The following DNAAF9 variants were observed in gnomAD, a reference collection of about 807,000 sequenced individuals.
DNAAF9 encodes dynein axonemal assembly factor 9, also known as shulin.
A neutral mutation model predicts 167.0 loss-of-function variants in DNAAF9; 90 were observed. The ratio of observed to expected loss-of-function variants is 0.54; its 90% CI spans 0.45 to 0.64. The LOEUF (loss-of-function observed/expected upper bound fraction) is 0.64, where lower values mean the gene tolerates loss of function less well. DNAAF9 is among the 30% of genes least tolerant of loss of function. The pLI, the probability that DNAAF9 is intolerant of heterozygous loss-of-function variation, is 0.00. For missense variants in DNAAF9, 1,315 were observed against 1,442.2 expected (o/e 0.91, Z 1.43); for synonymous variants, 491 against 508.8 (o/e 0.96, Z 0.47).
At chr20:3,380,661 A>T (rs2123241375) in intron 3 of DNAAF9, among the ~76,000 whole-genome samples, 1 of 152,236 alleles carries the variant, frequency 6.6e-6, no homozygotes, top group Admixed American at 6.5e-5. Flanking sequence ...TTCACATCAG[A>T]TGTTTGTTTT....
intron 34 of DNAAF9, among the ~76,000 whole-genome samples, chr20:3,255,756 C>T (rs968198799): frequency 4.6e-5 from 7 of 152,228 alleles, no homozygotes; most frequent in Non-Finnish European, 1.0e-4. Flanking sequence ...GGCTGTGCTA[C>T]AAGGCTTAGC....
intron 20 of DNAAF9, among the ~76,000 whole-genome samples, 171 bp from the exon 21 acceptor site, chr20:3,304,714 A>G (rs2069258443): frequency 6.6e-6 from 1 of 152,224 alleles, no homozygotes; most frequent in Non-Finnish European, 1.5e-5. Context: ...AACCTCCCAA[A>G]GCCTCAGAGG....
At chr20:3,380,012 C>G (rs1162037743) in intron 3 of DNAAF9, among the ~76,000 whole-genome samples, 2 of 152,160 alleles carry the variant, frequency 1.3e-5, no homozygotes. Flanking sequence ...GCCAAGATCG[C>G]ACAACTGCAC....
intron 7 of DNAAF9, among the ~76,000 whole-genome samples, chr20:3,350,156 G>T (rs6051774): frequency 1.1e-5 from 1 of 89,902 alleles, no homozygotes; most frequent in African/African-American, 4.5e-5. Flanking sequence ...CAGACACACA[G>T]ACACACACAC....
intron 7 of DNAAF9, among the ~76,000 whole-genome samples, 179 bp from the exon 8 acceptor site, chr20:3,348,802 T>A (rs891702355): frequency 6.6e-6 from 1 of 152,146 alleles, no homozygotes; most frequent in Non-Finnish European, 1.5e-5. Context: ...AAAAACATTA[T>A]ACCAAATGAA....
Position 3,330,676 on chromosome 20 carries a change from T to A in DNAAF9, c.1070A>T (p.Asp357Val), listed in dbSNP as rs772814774. The change falls in exon 12 of 37, where the codon GAC (aspartate) becomes GTC (valine). Residue 357 changes from aspartate (D) to valine (V), a missense_variant. Asp to Val is a radical substitution (Grantham distance 152). Around this residue, in one of 2 missense-constraint regions of DNAAF9, gnomAD observed 981 missense variants for 1,012.5 expected, o/e 0.97. Coordinates refer to ENST00000252032, the MANE Select transcript of DNAAF9 (RefSeq NM_001009984.3). ...TTCAGTTTTCTTGGGCAGCTTGCTG[T>A]CACCACCTGTGAAAGAGGCCCACTA... The part of the protein sequence containing the change: ...GATHVPYLGG[D>V]SKLPKKTEQI... The A allele has an allele frequency of 6.3e-7, 1 of 1,595,310 alleles. No homozygotes were observed. Among genetic ancestry groups the A allele is most frequent in the South Asian group, 1.1e-5 (1 of 90,042 alleles).
chr20:3,368,873 G>C (rs887269218), intron 6 of DNAAF9, among the ~76,000 whole-genome samples: 1 of 24,350 alleles, frequency 4.1e-5, no homozygotes, highest in African/African-American at 1.8e-4. Context: ...GGTGGCTCAC[G>C]CCTGTAATCC....
At chr20:3,385,424 AT>A (rs535506649) in intron 1 of DNAAF9, among the ~76,000 whole-genome samples, 6 of 149,572 alleles carry the variant, frequency 4.0e-5, no homozygotes, top group African/African-American at 9.8e-5. Flanking sequence ...ATCAATTGTA[AT>A]TTTTTTTTTA....
chr20:3,298,958 G>C (rs182527396), intron 21 of DNAAF9, among the ~76,000 whole-genome samples: 1 of 145,994 alleles, frequency 6.8e-6, no homozygotes, highest in African/African-American at 2.6e-5. Context: ...GTCCAGGCTG[G>C]AGTGCAAAAG....
At chr20:3,363,228 CA>C (rs550155552) in intron 6 of DNAAF9, among the ~76,000 whole-genome samples, 451 of 105,120 alleles carry the variant, frequency 4.3e-3, no homozygotes, top group South Asian at 0.022. Context: ...GACTCCGTCT[CA>C]AAAAAAAAAA....
At chr20:3,350,876 T>G (rs2070309695) in intron 7 of DNAAF9, among the ~76,000 whole-genome samples, 1 of 152,142 alleles carries the variant, frequency 6.6e-6, no homozygotes, top group Non-Finnish European at 1.5e-5. Flanking sequence ...ATCTATGAGT[T>G]CAAAATACAA....
chr20:3,381,896 A>G (rs2083659243), intron 2 of DNAAF9, among the ~76,000 whole-genome samples: 1 of 152,188 alleles, frequency 6.6e-6, no homozygotes, highest in Admixed American at 6.5e-5. Context: ...TAATGTGAAG[A>G]AGAGGACAAG....
At chr20:3,255,951 G>A in intron 34 of DNAAF9, 55 bp downstream of exon 34, 1 of 1,383,062 alleles carries the variant, frequency 7.2e-7, no homozygotes, top group Non-Finnish European at 1.0e-6. Flanking sequence ...GCCAACAGCA[G>A]CTCTGAGGTG....
intron 29 of DNAAF9, among the ~76,000 whole-genome samples, chr20:3,277,042 GATC>G (rs1166405501): frequency 6.6e-6 from 1 of 152,172 alleles, no homozygotes; most frequent in Non-Finnish European, 1.5e-5. Flanking sequence ...AGGAGGAACT[GATC>G]ATTAAGAAAT....
chr20:3,383,866 T>G (rs1212572867), intron 1 of DNAAF9, among the ~76,000 whole-genome samples: 1 of 151,426 alleles, frequency 6.6e-6, no homozygotes, highest in Non-Finnish European at 1.5e-5. Context: ...TGGCACAATC[T>G]TGGCTCACTG....
chr20:3,380,749 C>A (rs2083637876), intron 3 of DNAAF9, among the ~76,000 whole-genome samples: 1 of 152,198 alleles, frequency 6.6e-6, no homozygotes, highest in Non-Finnish European at 1.5e-5. Context: ...TGTCTCCTGA[C>A]CCATCTGGCA....
intron 23 of DNAAF9, 50 bp downstream of exon 23, chr20:3,296,811 C>T: frequency 8.5e-7 from 1 of 1,182,798 alleles, no homozygotes; most frequent in Non-Finnish European, 1.3e-6. Context: ...AGAGAGAGCA[C>T]ACCCACAAAG....
At chr20:3,262,246 TTC>T (rs1156324379) in intron 31 of DNAAF9, among the ~76,000 whole-genome samples, 4 of 150,646 alleles carry the variant, frequency 2.7e-5, no homozygotes, top group African/African-American at 9.8e-5. Context: ...AAAGTTCACA[TTC>T]TTTTTTTTTT....
At chr20:3,317,474 G>T (rs1178974352) in intron 17 of DNAAF9, among the ~76,000 whole-genome samples, 3 of 151,264 alleles carry the variant, frequency 2.0e-5, no homozygotes, top group Non-Finnish European at 4.4e-5. Context: ...ACATATTAAA[G>T]ATCAAAGAGA....
Sources: gnomAD v4.1 joint callset for allele counts (sites outside exome capture counted in the v4.1 genomes callset) on GRCh38, gnomAD v4.1.1 for gene constraint, gnomAD v4.1.1 regional missense constraint, MANE v1.5 for transcripts, NCBI Gene and HGNC (gene_info 2026-07-23, HGNC 2026-07-21) for gene names.